Variants in SLC10A7 observed in about 807,000 individuals in gnomAD.
SLC10A7 encodes the protein sodium/bile acid cotransporter 7.
In SLC10A7, 29 loss-of-function variants were observed where a neutral mutation model predicts 43.2. The observed-to-expected ratio is 0.67, with a 90% confidence interval of 0.50 to 0.92. SLC10A7 has a LOEUF of 0.92. Ranked by LOEUF, SLC10A7 falls within the 40% of genes least tolerant of loss-of-function variation. SLC10A7 has a pLI of 0.00. For synonymous variants in SLC10A7, 152 were observed against 144.8 expected (o/e 1.05, Z -0.35); for missense variants, 295 against 403.2 (o/e 0.73, Z 2.30).
intron 10 of SLC10A7, among the ~76,000 whole-genome samples, chr4:146,276,946 C>T (rs1395175423): frequency 2.0e-5 from 3 of 150,012 alleles, no homozygotes; most frequent in African/African-American, 7.3e-5. Flanking sequence ...AGTGAGACTC[C>T]ATCTAAAAAA....
rs1234369887 is a variant in SLC10A7 at position 146,256,234 on chromosome 4, C to CTA, written c.*256_*257insTA. ...AAGCATGTTTGCTTTTTGTCACTTA[C>CTA]CATGACTGATTCCTGCATTAGGAAA... On this transcript the variant is annotated 3_prime_UTR_variant, in exon 12 of 12. Coordinates refer to ENST00000335472, the MANE Select transcript of SLC10A7 (RefSeq NM_001029998.6). 164 of 511,324 alleles carry CTA rather than the reference C, an allele frequency of 3.2e-4. No homozygotes were observed. Among genetic ancestry groups the CTA allele is most frequent in the African/African-American group, 2.9e-3 (149 of 51,664 alleles). The allele number at this position is 511,324 out of a possible 1,614,324, so 31.7% of individuals were successfully genotyped here.
At chr4:146,326,348 T>A (rs1170280500) in intron 5 of SLC10A7, among the ~76,000 whole-genome samples, 1 of 152,174 alleles carries the variant, frequency 6.6e-6, no homozygotes, top group Non-Finnish European at 1.5e-5. Context: ...TTGGATAAAA[T>A]GCCCCTTTTT....
At chr4:146,346,454 A>G (rs760430275) in intron 5 of SLC10A7, among the ~76,000 whole-genome samples, 4 of 152,198 alleles carry the variant, frequency 2.6e-5, no homozygotes, top group Non-Finnish European at 5.9e-5. Flanking sequence ...AGTACATGTT[A>G]GGATTCAGAA....
chr4:146,265,326 A>G (rs1243923755), intron 10 of SLC10A7, among the ~76,000 whole-genome samples: 2 of 152,222 alleles, frequency 1.3e-5, no homozygotes, highest in Admixed American at 6.5e-5. Flanking sequence ...ATTAAACCAA[A>G]GTTTCACTTG....
intron 5 of SLC10A7, among the ~76,000 whole-genome samples, chr4:146,381,678 T>C (rs2679125): frequency 0.28 from 42,997 of 151,660 alleles, 6,153 homozygotes; most frequent in South Asian, 0.34. Context: ...GGAGGCAAGT[T>C]CTTCTTTTCC....
chr4:146,467,995 TA>T (rs1035412223), intron 4 of SLC10A7, among the ~76,000 whole-genome samples: 2 of 152,172 alleles, frequency 1.3e-5, no homozygotes, highest in Non-Finnish European at 2.9e-5. Flanking sequence ...AGAAGAGAGA[TA>T]TTACAGTGTA....
At chr4:146,382,853 G>T (rs771230734) in intron 5 of SLC10A7, among the ~76,000 whole-genome samples, 9 of 151,472 alleles carry the variant, frequency 5.9e-5, no homozygotes, top group Non-Finnish European at 1.3e-4. Flanking sequence ...ACTCAATCTT[G>T]ACCCATGAAA....
intron 4 of SLC10A7, among the ~76,000 whole-genome samples, chr4:146,482,461 T>C (rs567313958): frequency 1.3e-5 from 2 of 151,980 alleles, no homozygotes; most frequent in Non-Finnish European, 2.9e-5. Context: ...AGCTGAAGAC[T>C]TCAATCAATA....
chr4:146,409,991 A>G (rs962667194), intron 5 of SLC10A7, among the ~76,000 whole-genome samples: 8 of 152,228 alleles, frequency 5.3e-5, no homozygotes, highest in African/African-American at 1.9e-4. Context: ...GATATATTCA[A>G]TAATGATAAA....
chr4:146,437,296 G>A (rs1320599749), intron 5 of SLC10A7, among the ~76,000 whole-genome samples: 2 of 152,028 alleles, frequency 1.3e-5, no homozygotes, highest in Non-Finnish European at 2.9e-5. Flanking sequence ...ATAGCACGAT[G>A]ATGGGTTGCA....
intron 6 of SLC10A7, among the ~76,000 whole-genome samples, chr4:146,308,857 A>T (rs975311435): frequency 6.6e-6 from 1 of 152,162 alleles, no homozygotes; most frequent in Non-Finnish European, 1.5e-5. Context: ...CTATGCTGAG[A>T]AGAAATCATT....
At chr4:146,260,009 A>G (rs1007564932) in intron 10 of SLC10A7, among the ~76,000 whole-genome samples, 4 of 152,208 alleles carry the variant, frequency 2.6e-5, no homozygotes, top group Non-Finnish European at 5.9e-5. Context: ...TTTACCTTCT[A>G]ATAAATTTCA....
chr4:146,256,522 T>G lies in SLC10A7; in HGVS notation c.994-2A>C, dbSNP rs146234479. On this transcript the variant is annotated splice_acceptor_variant, in intron 11 of 11. Transcript: ENST00000335472. LOFTEE classifies it high-confidence loss of function. ...TGTCGGCCTTGTCAGCTTCACTCCCTACAAGGAAGGAAAACATGTTCAGAG... is the reference window on the plus strand; with the variant it reads ...TGTCGGCCTTGTCAGCTTCACTCCCGACAAGGAAGGAAAACATGTTCAGAG... 1 of 1,613,838 alleles carries G rather than the reference T, an allele frequency of 6.2e-7. No homozygotes were observed. The highest frequency in any genetic ancestry group is 1.3e-5 in the African/African-American group (1 of 74,904).
chr4:146,355,179 A>T (rs952524386), intron 5 of SLC10A7, among the ~76,000 whole-genome samples: 1 of 151,392 alleles, frequency 6.6e-6, no homozygotes, highest in Non-Finnish European at 1.5e-5. Flanking sequence ...AATGAACTCA[A>T]ACAAATTTAC....
chr4:146,256,689 C>T, intron 11 of SLC10A7, 169 bp from the exon 12 acceptor site: 2 of 978,766 alleles, frequency 2.0e-6, no homozygotes, highest in Non-Finnish European at 3.0e-6. Flanking sequence ...TCCCTGCCCA[C>T]CTCTCTGGCC....
chr4:146,417,476 G>A (rs913726411), intron 5 of SLC10A7, among the ~76,000 whole-genome samples: 1 of 152,026 alleles, frequency 6.6e-6, no homozygotes, highest in Non-Finnish European at 1.5e-5. Flanking sequence ...TCATCTCCAG[G>A]GTGAACACAA....
intron 4 of SLC10A7, among the ~76,000 whole-genome samples, chr4:146,459,061 A>C (rs1732313072): frequency 6.6e-6 from 1 of 151,864 alleles, no homozygotes; most frequent in African/African-American, 2.4e-5. Context: ...TCTATATACA[A>C]GGAAGGAATA....
intron 5 of SLC10A7, among the ~76,000 whole-genome samples, chr4:146,336,355 C>T (rs1442772297): frequency 1.3e-5 from 2 of 152,068 alleles, no homozygotes; most frequent in Admixed American, 1.3e-4. Flanking sequence ...CCCACGCTGG[C>T]TTCTAAACAT....
At chr4:146,339,981 C>T (rs1034786766) in intron 5 of SLC10A7, among the ~76,000 whole-genome samples, 1 of 151,348 alleles carries the variant, frequency 6.6e-6, no homozygotes, top group African/African-American at 2.4e-5. Flanking sequence ...TCCCCTTGTC[C>T]CCCACCCCGA....
Sources: gnomAD v4.1 joint callset for allele counts (sites outside exome capture counted in the v4.1 genomes callset) on GRCh38, gnomAD v4.1.1 for gene constraint, MANE v1.5 for transcripts, NCBI Gene and HGNC (gene_info 2026-07-23, HGNC 2026-07-21) for gene names.